ZBTB16: variants seen among roughly 807,000 people sequenced by gnomAD.
ZBTB16 encodes zinc finger and BTB domain-containing protein 16.
Under a neutral mutation model 56.8 loss-of-function variants are expected in ZBTB16, and 8 were observed. The ratio of observed to expected loss-of-function variants is 0.14; its 90% CI spans 0.08 to 0.25. The LOEUF is 0.25. Ranked by LOEUF, ZBTB16 falls within the 10% of genes least tolerant of loss-of-function variation. The pLI, the probability that ZBTB16 is intolerant of heterozygous loss-of-function variation, is 1.00. For missense variants in ZBTB16, 625 were observed against 903.0 expected (o/e 0.69, Z 3.95); for synonymous variants, 363 against 368.5 (o/e 0.98, Z 0.17).
intron 4 of ZBTB16, among the ~76,000 whole-genome samples, chr11:114,213,150 A>G (rs1165258853): frequency 6.6e-6 from 1 of 151,966 alleles, no homozygotes; most frequent in Non-Finnish European, 1.5e-5. Context: ...TGGCTGCTGT[A>G]GGGAAACATT....
intron 2 of ZBTB16, among the ~76,000 whole-genome samples, chr11:114,124,556 CCAAA>C (rs1209875386): frequency 2.0e-4 from 16 of 79,630 alleles, no homozygotes; most frequent in Admixed American, 4.2e-4. Flanking sequence ...AAAAAAAAAA[CCAAA>C]AAAAAAAAAA....
chr11:114,095,757 A>G (rs1940381185), intron 2 of ZBTB16, among the ~76,000 whole-genome samples: 1 of 152,138 alleles, frequency 6.6e-6, no homozygotes, highest in Non-Finnish European at 1.5e-5. Context: ...CTTTCACCCT[A>G]GCATGCTTGG....
At chr11:114,248,401 T>C (rs901215049) in intron 6 of ZBTB16, among the ~76,000 whole-genome samples, 3 of 152,228 alleles carry the variant, frequency 2.0e-5, no homozygotes, top group Admixed American at 2.0e-4. Flanking sequence ...TTGGCCACTG[T>C]AGGAGTATTC....
intron 3 of ZBTB16, among the ~76,000 whole-genome samples, chr11:114,165,877 A>G (rs1942738154): frequency 6.6e-6 from 1 of 152,170 alleles, no homozygotes; most frequent in African/African-American, 2.4e-5. Flanking sequence ...CACAGGCCTC[A>G]GGTTTATGTT....
At chr11:114,113,225 C>T (rs751401663) in intron 2 of ZBTB16, among the ~76,000 whole-genome samples, 5 of 152,206 alleles carry the variant, frequency 3.3e-5, no homozygotes, top group South Asian at 2.1e-4. Context: ...CTGTCTTTAG[C>T]GGTGTATAAC....
At chr11:114,160,426 C>T (rs1039251681) in intron 3 of ZBTB16, among the ~76,000 whole-genome samples, 13 of 152,304 alleles carry the variant, frequency 8.5e-5, no homozygotes, top group Admixed American at 2.6e-4. Flanking sequence ...CTCTCCCTGT[C>T]GTCCTCCTCT....
chr11:114,221,708 C>T (rs1944235056), intron 4 of ZBTB16, among the ~76,000 whole-genome samples: 1 of 152,206 alleles, frequency 6.6e-6, no homozygotes, highest in South Asian at 2.1e-4. Flanking sequence ...GAATGGTCCT[C>T]TGGGCCATTT....
intron 2 of ZBTB16, among the ~76,000 whole-genome samples, chr11:114,105,728 CTCCTCTTA>C (rs943952964): frequency 1.8e-4 from 28 of 152,312 alleles, no homozygotes; most frequent in African/African-American, 5.8e-4. Context: ...TTCTCTTCTC[CTCCTCTTA>C]TCCTAACAGT....
intron 4 of ZBTB16, chr11:114,237,329 C>T (rs541203411): frequency 2.0e-5 from 3 of 152,338 alleles, no homozygotes; most frequent in South Asian, 2.1e-4. Context: ...ATGACTTGCT[C>T]GGGGCCACAA....
intron 2 of ZBTB16, among the ~76,000 whole-genome samples, chr11:114,135,056 G>A (rs894663557): frequency 6.6e-6 from 1 of 152,196 alleles, no homozygotes; most frequent in East Asian, 1.9e-4. Context: ...TTCTCTTGGG[G>A]GTTGAGATCA....
chr11:114,102,442 C>G (rs1215236361), intron 2 of ZBTB16, among the ~76,000 whole-genome samples: 1 of 152,066 alleles, frequency 6.6e-6, no homozygotes, highest in African/African-American at 2.4e-5. Flanking sequence ...AAAGGTTTGT[C>G]ATTCATCATC....
chr11:114,156,330 CT>C lies in ZBTB16; in HGVS notation c.1269-5del. The C allele has an allele frequency of 6.2e-7, 1 of 1,614,180 alleles. No individual in the cohort carries two copies. Among genetic ancestry groups the C allele is most frequent in the Non-Finnish European group, 8.5e-7 (1 of 1,179,990 alleles). On this transcript the variant is annotated splice_region_variant and splice_polypyrimidine_tract_variant and intron_variant, in intron 2 of 6. Coordinates refer to ENST00000335953, the MANE Select transcript of ZBTB16 (RefSeq NM_006006.6). ...AGCAGCAACCTCTCTTTTCCTTTCC[CT>C]TACAGGAAGCTGCACAGTGGGATGA...
At chr11:114,140,298 G>A (rs1472978354) in intron 2 of ZBTB16, among the ~76,000 whole-genome samples, 3 of 152,198 alleles carry the variant, frequency 2.0e-5, no homozygotes, top group Admixed American at 6.5e-5. Context: ...CTCAGGCTGG[G>A]TGTTGAGATT....
At chr11:114,151,086 A>G (rs762440727) in intron 2 of ZBTB16, among the ~76,000 whole-genome samples, 3 of 152,176 alleles carry the variant, frequency 2.0e-5, no homozygotes, top group Non-Finnish European at 4.4e-5. Flanking sequence ...CTTCCTATCT[A>G]TTCTGAGTAC....
At chr11:114,204,080 G>T (rs1186401550) in intron 4 of ZBTB16, among the ~76,000 whole-genome samples, 2 of 151,932 alleles carry the variant, frequency 1.3e-5, no homozygotes, top group African/African-American at 4.8e-5. Flanking sequence ...AATCATACCT[G>T]TAATACGGCT....
intron 2 of ZBTB16, among the ~76,000 whole-genome samples, chr11:114,097,081 T>G (rs1940443206): frequency 6.6e-6 from 1 of 152,162 alleles, no homozygotes; most frequent in African/African-American, 2.4e-5. Flanking sequence ...ATTGACAAAA[T>G]GTGGTATATA....
At chr11:114,078,075 G>A (rs1425598052) in intron 2 of ZBTB16, among the ~76,000 whole-genome samples, 1 of 152,168 alleles carries the variant, frequency 6.6e-6, no homozygotes, top group Admixed American at 6.5e-5. Context: ...TTAGTGGGCT[G>A]GAGAAGTGTG....
rs149153164 is a variant in ZBTB16, at chr11:114,064,080, C to T, written c.780C>T (p.Ala260=). ...CCAGCCAGGACAGCCCTGGGGCAGCCGAGTCCAGCATCTCAGGAGGGATGG... is the reference window on the plus strand; with the variant it reads ...CCAGCCAGGACAGCCCTGGGGCAGCTGAGTCCAGCATCTCAGGAGGGATGG... ...EVPSQDSPGA[A]ESSISGGMGD... Residue 260 remains alanine, a synonymous_variant, in exon 2 of 7, where the codon GCC becomes GCT. Coordinates refer to ENST00000335953, the MANE Select transcript of ZBTB16 (RefSeq NM_006006.6). This position sits in a 1 kb window ranked among gnomAD's most constrained non-coding sequence, Gnocchi z 4.2. 83 of 1,613,682 alleles carry T rather than the reference C, an allele frequency of 5.1e-5. No homozygotes were observed. In the African/African-American group the frequency reaches 7.7e-4, roughly 15 times the overall value.
At chr11:114,147,436 C>T (rs748043925) in intron 2 of ZBTB16, among the ~76,000 whole-genome samples, 20 of 152,166 alleles carry the variant, frequency 1.3e-4, no homozygotes, top group Non-Finnish European at 2.4e-4. Flanking sequence ...TGGTTAAAAG[C>T]CTTGTACGGG....
Sources: allele counts gnomAD v4.1 joint callset (sites outside exome capture counted in the v4.1 genomes callset), GRCh38; gene constraint gnomAD v4.1.1; non-coding constraint Gnocchi (gnomAD v3.1); transcripts MANE v1.5; gene names NCBI Gene and HGNC (gene_info 2026-07-23, HGNC 2026-07-21).